The following DOCK10 variants were observed in gnomAD, a reference collection of about 807,000 sequenced individuals.
The protein encoded by DOCK10 is dedicator of cytokinesis protein 10.
In DOCK10, 145 loss-of-function variants were observed where a neutral mutation model predicts 280.1. The observed-to-expected ratio is 0.52, with a 90% CI of 0.45 to 0.59. DOCK10 has a LOEUF of 0.59. Among genes scored for constraint, DOCK10 ranks in the 20% least tolerant of loss-of-function variants. The probability of loss-of-function intolerance (pLI) is 0.00; values close to 1 mark genes in which losing one functional copy is unlikely to be tolerated. For synonymous variants in DOCK10, 915 were observed against 942.2 expected (o/e 0.97, Z 0.53); for missense variants, 2,368 against 2,651.7 (o/e 0.89, Z 2.35).
chr2:224,793,379 TC>T lies in DOCK10; in HGVS notation c.5212+20del. The T allele has an allele frequency of 6.2e-7, 1 of 1,602,852 alleles. No individual in the cohort carries two copies. The highest frequency in any genetic ancestry group is 2.2e-5 in the East Asian group (1 of 44,758). ...TGTGTTGATATCTAGGCTTTTTGCC[TC>T]CCTCATGTGGTCATCTTACCCTTTC... On this transcript the variant is annotated intron_variant, in intron 46 of 55. Coordinates refer to ENST00000258390, the MANE Select transcript of DOCK10 (RefSeq NM_014689.3).
chr2:224,787,895 C>T (rs1691845412), intron 48 of DOCK10, among the ~76,000 whole-genome samples: 1 of 152,152 alleles, frequency 6.6e-6, no homozygotes, highest in Non-Finnish European at 1.5e-5. Flanking sequence ...AATGCTCTGT[C>T]ACTGACTTTG....
At chr2:224,978,790 C>T (rs901701298) in intron 1 of DOCK10, among the ~76,000 whole-genome samples, 2 of 152,188 alleles carry the variant, frequency 1.3e-5, no homozygotes, top group Non-Finnish European at 2.9e-5. Flanking sequence ...TCCTACTTGA[C>T]ATCTCCATCT....
chr2:224,818,552 C>CACA, intron 29 of DOCK10, among the ~76,000 whole-genome samples: 1 of 152,246 alleles, frequency 6.6e-6, no homozygotes, highest in South Asian at 2.1e-4. Context: ...TGCCCGCAAC[C>CACA]ACGCCCGGCT....
intron 1 of DOCK10, among the ~76,000 whole-genome samples, chr2:225,038,968 T>C (rs944883059): frequency 6.6e-6 from 1 of 152,236 alleles, no homozygotes; most frequent in Non-Finnish European, 1.5e-5. Context: ...AGTTTACCTA[T>C]ACTTTTTTTA....
chr2:224,790,546 A>T (rs1692106963), intron 47 of DOCK10, among the ~76,000 whole-genome samples: 1 of 152,176 alleles, frequency 6.6e-6, no homozygotes, highest in Non-Finnish European at 1.5e-5. Context: ...TAACTAAATG[A>T]TCACTCCCCA....
intron 27 of DOCK10, among the ~76,000 whole-genome samples, chr2:224,828,641 T>C (rs1181924426): frequency 2.6e-5 from 4 of 152,106 alleles, no homozygotes; most frequent in Non-Finnish European, 5.9e-5. Context: ...GCAGTCACAG[T>C]CTTGGCTCAT....
intron 1 of DOCK10, among the ~76,000 whole-genome samples, chr2:225,000,038 T>A (rs1706385907): frequency 6.6e-6 from 1 of 152,172 alleles, no homozygotes; most frequent in Non-Finnish European, 1.5e-5. Flanking sequence ...GTTTGAAAAT[T>A]ACAGTATATC....
chr2:224,816,594 G>A (rs1010997231), intron 30 of DOCK10, 23 bp downstream of exon 30: 2 of 1,411,636 alleles, frequency 1.4e-6, no homozygotes, highest in Non-Finnish European at 9.9e-7. Flanking sequence ...AGGAACTGAG[G>A]AAAATTCTGG....
chr2:224,814,285 G>T, intron 31 of DOCK10, 35 bp downstream of exon 31: 5 of 1,375,502 alleles, frequency 3.6e-6, no homozygotes, highest in South Asian at 1.5e-5. Context: ...GATTACAGGT[G>T]GTTACTGATG....
rs1477700199 is a variant in DOCK10, at chr2:224,796,332, C to T, written c.4922G>A (p.Gly1641Glu). Residue 1641 changes from glycine to glutamate, a missense_variant, in exon 44 of 56, where the codon GGA (glycine) becomes GAA (glutamate). By Grantham distance (98) the Gly-to-Glu change is moderately conservative. Coordinates refer to ENST00000258390, the MANE Select transcript of DOCK10 (RefSeq NM_014689.3). The stretch of plus-strand genomic sequence containing the variant: ...ATTTCTTACTTTCATTTGCTTATCT[C>T]CATTGGCGAAATTATTGGTAATTGC... The part of the protein sequence containing the change: ...SLAITNNFAN[G>E]DKQMKNSNFP... 2 of 1,562,190 alleles carry T rather than the reference C, an allele frequency of 1.3e-6. No individual in the cohort carries two copies. Among genetic ancestry groups the T allele is most frequent in the Admixed American group, 1.9e-5 (1 of 52,528 alleles).
chr2:224,965,359 G>T (rs1418683605), intron 1 of DOCK10, among the ~76,000 whole-genome samples: 1 of 151,510 alleles, frequency 6.6e-6, no homozygotes, highest in African/African-American at 2.4e-5. Flanking sequence ...CAACAAGTAG[G>T]CATTCTTGGG....
chr2:224,851,168 T>C (rs1186779250), intron 18 of DOCK10, among the ~76,000 whole-genome samples: 1 of 152,206 alleles, frequency 6.6e-6, no homozygotes, highest in African/African-American at 2.4e-5. Flanking sequence ...GCCCCCTTTG[T>C]CCAAAGCTCA....
At chr2:224,796,046 AATTATT>A (rs373877633) in intron 44 of DOCK10, among the ~76,000 whole-genome samples, 224 of 150,368 alleles carry the variant, frequency 1.5e-3, no homozygotes, top group African/African-American at 5.0e-3. Flanking sequence ...CAAAATAAAC[AATTATT>A]ATTATTATTA....
chr2:224,995,913 G>T (rs1282920302), intron 1 of DOCK10, among the ~76,000 whole-genome samples: 2 of 152,136 alleles, frequency 1.3e-5, no homozygotes. Flanking sequence ...AAAAGCCCAG[G>T]TTTTTTAGGT....
intron 11 of DOCK10, 83 bp from the exon 12 acceptor site, chr2:224,865,170 G>T: frequency 7.4e-7 from 1 of 1,345,050 alleles, no homozygotes; most frequent in Non-Finnish European, 1.0e-6. Flanking sequence ...ATTTAACAAA[G>T]CAGTAGATAA....
chr2:224,998,427 A>AT (rs1049270071), intron 1 of DOCK10, among the ~76,000 whole-genome samples: 4 of 152,072 alleles, frequency 2.6e-5, no homozygotes, highest in Admixed American at 2.6e-4. Context: ...ATTTGCTTAC[A>AT]TCCCCCTTAC....
chr2:224,885,838 A>G lies in DOCK10; in HGVS notation c.613-33T>C, dbSNP rs568392100. ...AAGGAAAAGATATAAGGAGATATTC[A>G]AATTGTAATGTGCTATTACTCATAG... On this transcript the variant is annotated intron_variant, in intron 6 of 55. Coordinates refer to ENST00000258390, the MANE Select transcript of DOCK10 (RefSeq NM_014689.3). 2.5e-6 allele frequency: 4 copies of G among 1,603,894 alleles called. No individual in the cohort carries two copies. In the South Asian group the frequency reaches 4.5e-5, roughly 18 times the overall value.
At chr2:224,985,303 G>T (rs1206369675) in intron 1 of DOCK10, among the ~76,000 whole-genome samples, 1 of 151,774 alleles carries the variant, frequency 6.6e-6, no homozygotes, top group Non-Finnish European at 1.5e-5. Flanking sequence ...CTAACAATTC[G>T]TAAGGCTAAA....
chr2:224,892,427 G>GAAAAGAAAAGAAAAGAAAAGAAAAGA (rs58114938), intron 4 of DOCK10, among the ~76,000 whole-genome samples: 33 of 93,934 alleles, frequency 3.5e-4, no homozygotes, highest in Non-Finnish European at 5.1e-4. Flanking sequence ...AAAAAAGAAA[G>GAAAAGAAAAGAAAAGAAAAGAAAAGA]AAAGAAAAGA....
Sources: allele counts gnomAD v4.1 joint callset (sites outside exome capture counted in the v4.1 genomes callset), GRCh38; gene constraint gnomAD v4.1.1; transcripts MANE v1.5; gene names NCBI Gene and HGNC (gene_info 2026-07-23, HGNC 2026-07-21).